USP47: variants seen among roughly 807,000 people sequenced by gnomAD.
The protein encoded by USP47 is ubiquitin specific peptidase 47, also known as ubiquitin carboxyl-terminal hydrolase 47.
Under a neutral mutation model 165.1 loss-of-function variants are expected in USP47, and 35 were observed. The observed-to-expected ratio is 0.21, with a 90% confidence interval of 0.16 to 0.28. USP47 has a LOEUF of 0.28. Among genes scored for constraint, USP47 ranks in the 10% least tolerant of loss-of-function variants. USP47 has a pLI of 1.00. For synonymous variants in USP47, 531 were observed against 544.5 expected (o/e 0.98, Z 0.35); for missense variants, 1,277 against 1,607.4 (o/e 0.79, Z 3.52).
At position 11,954,926 on chromosome 11, in the gene USP47, T is replaced by C. The variant is rs896383644; in HGVS notation, c.3744T>C (p.Asp1248=). ...KLSEISGIPL[D]DIEFAKGRGT... ...GTGAAATCAGTGGGATTCCTTTGGA[T>C]GATATTGAATTTGCTAAGGTAAAGC... Residue 1248 remains aspartate (D), a synonymous_variant, in exon 26 of 28, where the codon GAT becomes GAC. Transcript: ENST00000527733. 1.2e-6 allele frequency: 2 copies of C among 1,613,798 alleles called. No homozygotes were observed. Among genetic ancestry groups the C allele is most frequent in the Non-Finnish European group, 1.7e-6 (2 of 1,179,836 alleles).
At chr11:11,861,474 C>A (rs897025877) in intron 1 of USP47, among the ~76,000 whole-genome samples, 1 of 152,106 alleles carries the variant, frequency 6.6e-6, no homozygotes, top group African/African-American at 2.4e-5. Context: ...CAAAATAGGT[C>A]AATCATAGTT....
rs777031673 is a variant in USP47, at chr11:11,933,248, A to T, written c.1764+132A>T. On this transcript the variant is annotated intron_variant, in intron 15 of 27. Transcript: ENST00000527733. ...TCATGATCATTGAACAGTGTAACCA[A>T]CTATACTATAAAGGTAAAATTTGAT... 3.3e-5 allele frequency: 25 copies of T among 748,346 alleles called. 1 individual carries two copies. Among genetic ancestry groups the T allele is most frequent in the Non-Finnish European group, 5.5e-5 (25 of 452,380 alleles). The allele number at this position is 748,346 out of a possible 1,614,324, so 46.4% of individuals were successfully genotyped here. A position where few individuals can be genotyped will look rare whatever the true frequency, so the allele number is the denominator to read the frequency against.
At chr11:11,931,653 G>A (rs1211740201) in intron 14 of USP47, among the ~76,000 whole-genome samples, 3 of 152,116 alleles carry the variant, frequency 2.0e-5, no homozygotes, top group Admixed American at 6.6e-5. Context: ...AAGCACCAGA[G>A]GGCGCTGTAT....
rs774862105 is a variant in USP47, at chr11:11,929,420, T to C, written c.1387-14T>C. ...TTCCTTCTCCTCTGAGTTACTTTTATTTTTTCCCCTTAGAATTCCTTGATC... is the reference window on the plus strand; with the variant it reads ...TTCCTTCTCCTCTGAGTTACTTTTACTTTTTCCCCTTAGAATTCCTTGATC... On this transcript the variant is annotated splice_polypyrimidine_tract_variant and intron_variant, in intron 11 of 27. Transcript: ENST00000527733. 1 of 1,609,582 alleles carries C rather than the reference T, an allele frequency of 6.2e-7. No homozygotes were observed. The highest frequency in any genetic ancestry group is 8.5e-7 in the Non-Finnish European group (1 of 1,178,060).
At position 11,929,457 on chromosome 11, in the gene USP47, C is replaced by G; in HGVS notation, c.1410C>G (p.Phe470Leu). Reference protein sequence around the residue: ...LEKNSLIYELFSVMVHSGSAA... With the variant: ...LEKNSLIYELLSVMVHSGSAA... ...AGAATTCCTTGATCTATGAACTTTT[C>G]TCTGTTATGGTTCATTCTGGGAGCG... Residue 470 changes from phenylalanine to leucine, a missense_variant, in exon 12 of 28, where the codon TTC becomes TTG. This residue lies in a region of USP47 where 909 missense variants were observed against 1,068.1 expected (regional missense o/e 0.85). Transcript: ENST00000527733. 1 of 1,611,966 alleles carries G rather than the reference C, an allele frequency of 6.2e-7. No individual in the cohort carries two copies. The highest frequency in any genetic ancestry group is 8.5e-7 in the Non-Finnish European group (1 of 1,178,782).
intron 11 of USP47, among the ~76,000 whole-genome samples, chr11:11,926,717 T>C (rs761619446): frequency 1.3e-5 from 2 of 151,776 alleles, no homozygotes; most frequent in Non-Finnish European, 2.9e-5. Context: ...TTTCTTCTTC[T>C]TCCTCTTTTT....
At chr11:11,890,845 A>ATCAT (rs1250585328) in intron 3 of USP47, among the ~76,000 whole-genome samples, 3 of 152,194 alleles carry the variant, frequency 2.0e-5, no homozygotes, top group Non-Finnish European at 4.4e-5. Context: ...AACTAACAAG[A>ATCAT]TCATGTCCTT....
intron 1 of USP47, among the ~76,000 whole-genome samples, chr11:11,868,408 T>C (rs1021669559): frequency 1.3e-5 from 2 of 152,206 alleles, no homozygotes; most frequent in African/African-American, 4.8e-5. Context: ...CTTTTGGGGT[T>C]GGTTTTTTAA....
chr11:11,890,046 T>A (rs146757804), intron 3 of USP47, among the ~76,000 whole-genome samples: 94 of 152,234 alleles, frequency 6.2e-4, no homozygotes, highest in Middle Eastern at 3.4e-3. Context: ...TAAACAAAAA[T>A]TAACTTAAGA....
intron 1 of USP47, among the ~76,000 whole-genome samples, chr11:11,849,916 A>AT (rs1848631816): frequency 6.6e-6 from 1 of 151,892 alleles, no homozygotes; most frequent in Non-Finnish European, 1.5e-5. Context: ...GTCAGAAATA[A>AT]TTTTTTCTCA....
chr11:11,862,684 T>TTCTTTTAA (rs1341823648), intron 1 of USP47, among the ~76,000 whole-genome samples: 32 of 149,838 alleles, frequency 2.1e-4, no homozygotes, highest in African/African-American at 7.9e-4. Flanking sequence ...GACTTTTCTC[T>TTCTTTTAA]TCTTTTAATT....
Position 11,959,297 on chromosome 11 carries a change from GT to G in USP47, c.*3125del, listed in dbSNP as rs1477490839. 6.6e-6 allele frequency: 1 copy of G among 152,144 alleles called. No homozygotes were observed. Among genetic ancestry groups the G allele is most frequent in the African/African-American group, 2.4e-5 (1 of 41,444 alleles). 9.4% of individuals were successfully genotyped at this position (152,144 alleles called of 1,614,324 possible). A position where few individuals can be genotyped will look rare whatever the true frequency, so the allele number is the denominator to read the frequency against. ...GATACTCTGAATTAGCAAGTTTTTTGTTTGCTGAATAAAACTATTCCATCTT... is the reference window on the plus strand; with the variant it reads ...GATACTCTGAATTAGCAAGTTTTTTGTTGCTGAATAAAACTATTCCATCTT... On this transcript the variant is annotated 3_prime_UTR_variant, in exon 28 of 28. Coordinates refer to ENST00000527733, the MANE Select transcript of USP47 (RefSeq NM_001282659.2).
intron 2 of USP47, among the ~76,000 whole-genome samples, chr11:11,881,503 A>T (rs1427261690): frequency 1.3e-5 from 2 of 151,818 alleles, no homozygotes. Context: ...CTTTATCTCC[A>T]CAGTAGTCTT....
At chr11:11,873,156 G>A (rs1850179789) in intron 1 of USP47, among the ~76,000 whole-genome samples, 1 of 152,116 alleles carries the variant, frequency 6.6e-6, no homozygotes, top group Non-Finnish European at 1.5e-5. Context: ...TATTGTAAAA[G>A]TAAAAGCGCC....
At chr11:11,867,975 C>T (rs983756163) in intron 1 of USP47, among the ~76,000 whole-genome samples, 1 of 152,130 alleles carries the variant, frequency 6.6e-6, no homozygotes, top group Non-Finnish European at 1.5e-5. Context: ...GGAGTACCCT[C>T]CTCCCATCAG....
At chr11:11,915,272 T>G (rs1853330283) in intron 8 of USP47, among the ~76,000 whole-genome samples, 1 of 152,236 alleles carries the variant, frequency 6.6e-6, no homozygotes, top group Admixed American at 6.5e-5. Flanking sequence ...ATGTAATACT[T>G]TTGATATGAC....
At chr11:11,910,762 C>T (rs914545839) in intron 8 of USP47, among the ~76,000 whole-genome samples, 1 of 152,050 alleles carries the variant, frequency 6.6e-6, no homozygotes, top group Admixed American at 6.6e-5. Flanking sequence ...TGGCAGAGCC[C>T]TTTCCCCAGA....
chr11:11,872,972 A>T (rs913619993), intron 1 of USP47, among the ~76,000 whole-genome samples: 1 of 152,184 alleles, frequency 6.6e-6, no homozygotes, highest in South Asian at 2.1e-4. Flanking sequence ...AGGGACAAGA[A>T]GTAGATTTCA....
intron 16 of USP47, among the ~76,000 whole-genome samples, chr11:11,936,061 AATG>A (rs1855039375): frequency 6.6e-6 from 1 of 151,830 alleles, no homozygotes; most frequent in Admixed American, 6.6e-5. Flanking sequence ...AAAAATAAAA[AATG>A]TATTTAGTAC....
Sources: allele counts gnomAD v4.1 joint callset (sites outside exome capture counted in the v4.1 genomes callset), GRCh38; gene constraint gnomAD v4.1.1; regional missense constraint gnomAD v4.1.1; transcripts MANE v1.5; gene names NCBI Gene and HGNC (gene_info 2026-07-23, HGNC 2026-07-21).